Variants in ZNF608 observed in about 807,000 individuals in gnomAD.
ZNF608 encodes renal carcinoma antigen NY-REN-36.
In ZNF608, 12 loss-of-function variants were observed where a neutral mutation model predicts 109.0. The ratio of observed to expected loss-of-function variants is 0.11; its 90% CI spans 0.07 to 0.18. ZNF608 has a LOEUF of 0.18. Ranked by LOEUF, ZNF608 falls within the 10% of genes least tolerant of loss-of-function variation. ZNF608 has a pLI of 1.00. For missense variants in ZNF608, 1,707 were observed against 1,879.3 expected (o/e 0.91, Z 1.70); for synonymous variants, 732 against 717.4 (o/e 1.02, Z -0.33).
At chr5:124,735,161 T>A (rs1228898428) in intron 2 of ZNF608, 2 of 152,372 alleles carry the variant, frequency 1.3e-5, no homozygotes, top group East Asian at 1.9e-4. Context: ...GATGTGTGCG[T>A]GCAAGTAAAA....
chr5:124,668,828 G>A (rs1751592943), intron 3 of ZNF608, among the ~76,000 whole-genome samples: 1 of 152,162 alleles, frequency 6.6e-6, no homozygotes, highest in African/African-American at 2.4e-5. Context: ...ACTTCCTTGA[G>A]GTCTGGGTAA....
At chr5:124,722,397 G>A (rs550359724) in intron 2 of ZNF608, among the ~76,000 whole-genome samples, 7 of 152,180 alleles carry the variant, frequency 4.6e-5, no homozygotes, top group African/African-American at 7.2e-5. Flanking sequence ...CTAAGATTCC[G>A]GGAAACATCA....
intron 2 of ZNF608, among the ~76,000 whole-genome samples, chr5:124,715,895 G>A (rs1753669955): frequency 6.6e-6 from 1 of 152,070 alleles, no homozygotes; most frequent in Non-Finnish European, 1.5e-5. Flanking sequence ...TGTAATCCCA[G>A]CACCTTGGGA....
At chr5:124,640,786 C>T (rs1198168188) in intron 8 of ZNF608, among the ~76,000 whole-genome samples, 1 of 152,166 alleles carries the variant, frequency 6.6e-6, no homozygotes, top group African/African-American at 2.4e-5. Context: ...CTGTGAAGAA[C>T]CCTCGAATGA....
At chr5:124,737,103 T>C (rs560467018) in intron 2 of ZNF608, among the ~76,000 whole-genome samples, 2 of 152,326 alleles carry the variant, frequency 1.3e-5, no homozygotes, top group East Asian at 3.9e-4. Flanking sequence ...AAATTATACG[T>C]CTGTGGCACC....
chr5:124,684,387 C>A (rs1752320533), intron 3 of ZNF608, among the ~76,000 whole-genome samples: 1 of 152,134 alleles, frequency 6.6e-6, no homozygotes, highest in South Asian at 2.1e-4. Context: ...GAAAACACAG[C>A]CAGAGGGTAC....
intron 3 of ZNF608, among the ~76,000 whole-genome samples, chr5:124,658,723 T>C (rs1751117986): frequency 6.6e-6 from 1 of 152,156 alleles, no homozygotes; most frequent in Non-Finnish European, 1.5e-5. Flanking sequence ...TCCCTCTCTT[T>C]GTGGGAAGAC....
In ZNF608 at chr5:124,647,472, C is replaced by T; in HGVS notation, c.2912G>A (p.Ser971Asn). ...ATGCCCTTTTACAACACTGTCCTTA[C>T]TAGAAATAATATCTGATGGGGAACT... ...KASSPSDIIS[S>N]KDSVVKGHSS... The change falls in exon 5 of 10, where the codon AGT becomes AAT. Residue 971 changes from serine to asparagine, a missense_variant. Transcript: ENST00000513986. The T allele has an allele frequency of 6.2e-7, 1 of 1,614,212 alleles. No homozygotes were observed. Among genetic ancestry groups the T allele is most frequent in the Non-Finnish European group, 8.5e-7 (1 of 1,180,032 alleles).
At chr5:124,688,750 T>C (rs991121381) in intron 3 of ZNF608, among the ~76,000 whole-genome samples, 1 of 152,242 alleles carries the variant, frequency 6.6e-6, no homozygotes, top group African/African-American at 2.4e-5. Flanking sequence ...AATGTAAATA[T>C]CCATTGTTAA....
chr5:124,648,383 G>A lies in ZNF608; in HGVS notation c.2001C>T (p.Asn667=). The A allele has an allele frequency of 6.2e-7, 1 of 1,614,186 alleles. No homozygotes were observed. Among genetic ancestry groups the A allele is most frequent in the Middle Eastern group, 1.6e-4 (1 of 6,062 alleles). The change falls in exon 5 of 10, where the codon AAC becomes AAT. Residue 667 remains asparagine, a synonymous_variant. Transcript: ENST00000513986. ...GKNSGKKKGL[N]NELNNLPVIS... The stretch of plus-strand genomic sequence containing the variant: ...TTACTGGAAGGTTGTTCAGTTCATT[G>A]TTAAGGCCCTTCTTTTTGCCAGAAT...
At chr5:124,731,533 T>C (rs1748902780) in intron 2 of ZNF608, among the ~76,000 whole-genome samples, 1 of 152,068 alleles carries the variant, frequency 6.6e-6, no homozygotes. Context: ...ATTTAAAAGT[T>C]TGGAGTTTTA....
chr5:124,719,820 A>G (rs1580691269), intron 2 of ZNF608, among the ~76,000 whole-genome samples: 2 of 152,190 alleles, frequency 1.3e-5, no homozygotes, highest in African/African-American at 2.4e-5. Context: ...ATCCTAACCT[A>G]CCTAGGAGAT....
chr5:124,693,117 C>T lies in ZNF608; in HGVS notation c.1162+7897G>A, dbSNP rs548889059. Among the ~76,000 whole-genome samples, 226 of 152,288 alleles carry T rather than the reference C, an allele frequency of 1.5e-3. 3 individuals are homozygous for T. Among genetic ancestry groups the T allele is most frequent in the East Asian group, 2.1e-3 (11 of 5,186 alleles). On this transcript the variant is annotated intron_variant, in intron 3 of 9. Coordinates refer to ENST00000513986, the MANE Select transcript of ZNF608 (RefSeq NM_020747.3). ...CTCTGAATACACACAGAAAAAAACA[C>T]TGAATTATACACCTTAAGTGCGTAG...
At chr5:124,651,946 C>T in intron 3 of ZNF608, among the ~76,000 whole-genome samples, 1 of 152,368 alleles carries the variant, frequency 6.6e-6, no homozygotes, top group East Asian at 1.9e-4. Flanking sequence ...ACTAACGAGT[C>T]CGGCCGTGCA....
intron 2 of ZNF608, among the ~76,000 whole-genome samples, chr5:124,726,828 A>G (rs1172106314): frequency 2.6e-5 from 4 of 152,204 alleles, no homozygotes; most frequent in Non-Finnish European, 5.9e-5. Flanking sequence ...TGTGCGCCCA[A>G]CACATATGTG....
chr5:124,716,206 C>G (rs540023532), intron 2 of ZNF608, among the ~76,000 whole-genome samples: 115 of 143,850 alleles, frequency 8.0e-4, no homozygotes, highest in African/African-American at 2.7e-3. Flanking sequence ...CGTATCAAAA[C>G]TAAATGAAGC....
At chr5:124,743,723 G>C (rs968879694) in intron 2 of ZNF608, among the ~76,000 whole-genome samples, 15 of 152,176 alleles carry the variant, frequency 9.9e-5, no homozygotes, top group African/African-American at 3.4e-4. Context: ...CAAGAGTCAA[G>C]AGGGTGCATG....
intron 3 of ZNF608, among the ~76,000 whole-genome samples, chr5:124,650,276 C>A (rs1430549228): frequency 6.6e-6 from 1 of 152,202 alleles, no homozygotes; most frequent in Non-Finnish European, 1.5e-5. Flanking sequence ...CCCTAATCCT[C>A]CCCTCTTTGA....
At chr5:124,703,616 A>G (rs1339864917) in intron 2 of ZNF608, among the ~76,000 whole-genome samples, 1 of 152,162 alleles carries the variant, frequency 6.6e-6, no homozygotes, top group African/African-American at 2.4e-5. Context: ...AAAAGTATTT[A>G]AAAATTAGCC....
Sources: gnomAD v4.1 joint callset for allele counts (sites outside exome capture counted in the v4.1 genomes callset) on GRCh38, gnomAD v4.1.1 for gene constraint, MANE v1.5 for transcripts, NCBI Gene and HGNC (gene_info 2026-07-23, HGNC 2026-07-21) for gene names.